Variants in ADAMTSL3 observed in about 807,000 individuals in gnomAD.
ADAMTSL3 encodes the protein ADAMTS like 3, also known as ADAMTS-like protein 3.
Under a neutral mutation model 201.7 loss-of-function variants are expected in ADAMTSL3, and 128 were observed. That is an observed-to-expected ratio of 0.63 (90% CI 0.55 to 0.73). The LOEUF (loss-of-function observed/expected upper bound fraction) is 0.73. Among genes scored for constraint, ADAMTSL3 ranks in the 30% least tolerant of loss-of-function variants. The pLI is 0.00. For missense variants in ADAMTSL3, 1,990 were observed against 2,119.6 expected, an observed-to-expected ratio of 0.94 and a Z score of 1.20; for synonymous variants, 738 against 748.4, an observed-to-expected ratio of 0.99 and a Z score of 0.23.
intron 23 of ADAMTSL3, among the ~76,000 whole-genome samples, chr15:83,997,504 G>A (rs940633920): frequency 3.9e-5 from 6 of 152,120 alleles, no homozygotes; most frequent in South Asian, 2.1e-4. Context: ...CAGGAGAATC[G>A]CTTGAACCTG....
intron 2 of ADAMTSL3, among the ~76,000 whole-genome samples, chr15:83,695,201 C>CTGT (rs2061666072): frequency 1.8e-3 from 1 of 558 alleles, no homozygotes; most frequent in African/African-American, 7.4e-3. Context: ...GTGCATGATA[C>CTGT]GTTTGTGGTG....
intron 3 of ADAMTSL3, among the ~76,000 whole-genome samples, chr15:83,725,713 A>G (rs907952425): frequency 5.9e-5 from 9 of 152,072 alleles, no homozygotes; most frequent in Admixed American, 5.9e-4. Context: ...CTGTAGAAGT[A>G]TGCATTTATA....
intron 2 of ADAMTSL3, among the ~76,000 whole-genome samples, chr15:83,693,925 C>T (rs928908985): frequency 1.3e-5 from 2 of 152,122 alleles, no homozygotes; most frequent in Non-Finnish European, 2.9e-5. Context: ...TGAGATTCTC[C>T]CCCCGCAACC....
intron 16 of ADAMTSL3, among the ~76,000 whole-genome samples, chr15:83,914,426 C>T (rs2065991696): frequency 6.6e-6 from 1 of 152,220 alleles, no homozygotes; most frequent in East Asian, 1.9e-4. Context: ...CTGTTTTTCT[C>T]TTTCCTGTCT....
intron 23 of ADAMTSL3, among the ~76,000 whole-genome samples, chr15:84,006,122 C>T (rs974047817): frequency 1.3e-5 from 2 of 152,348 alleles, no homozygotes; most frequent in East Asian, 1.9e-4. Context: ...ATTCATTATT[C>T]TAGTAGCTTT....
rs780180847 is a variant in ADAMTSL3 at position 83,913,127 on chromosome 15, C to T, written c.1736C>T (p.Thr579Met). 34 of 1,614,002 alleles carry T rather than the reference C, an allele frequency of 2.1e-5. No individual in the cohort carries two copies. In the Middle Eastern group the frequency reaches 4.9e-4, roughly 23 times the overall value. Reference sequence around the variant, plus strand: ...GAACCCTGGTCAGCCTGCAGTACCACGTGTGGGCCGGGTGTGCAGGTCCGT... The same window carrying T: ...GAACCCTGGTCAGCCTGCAGTACCATGTGTGGGCCGGGTGTGCAGGTCCGT... ...IPEPWSACST[T>M]CGPGVQVREV... Residue 579 changes from threonine to methionine, a missense_variant, in exon 16 of 30, where the codon ACG (threonine) becomes ATG (methionine). Coordinates refer to ENST00000286744, the MANE Select transcript of ADAMTSL3 (RefSeq NM_207517.3).
chr15:83,698,262 A>G (rs1181712191), intron 2 of ADAMTSL3, among the ~76,000 whole-genome samples: 7 of 152,066 alleles, frequency 4.6e-5, no homozygotes, highest in Non-Finnish European at 1.0e-4. Context: ...CAATGTGTAG[A>G]TCAAGGTCTA....
At chr15:83,887,121 A>G (rs2065409198) in intron 10 of ADAMTSL3, among the ~76,000 whole-genome samples, 1 of 152,104 alleles carries the variant, frequency 6.6e-6, no homozygotes. Context: ...CCACAGACCT[A>G]CTGAGTCAGA....
intron 2 of ADAMTSL3, among the ~76,000 whole-genome samples, chr15:83,696,283 C>T (rs2061687790): frequency 6.6e-6 from 1 of 152,224 alleles, no homozygotes; most frequent in Non-Finnish European, 1.5e-5. Flanking sequence ...GATCACCGCT[C>T]ACTGCAGTGC....
chr15:83,806,622 G>T (rs1438720799), intron 5 of ADAMTSL3, among the ~76,000 whole-genome samples: 2 of 152,182 alleles, frequency 1.3e-5, no homozygotes, highest in African/African-American at 4.8e-5. Flanking sequence ...GGGAGGCTGG[G>T]GTGGGCAGGT....
chr15:83,753,275 T>C (rs1177717888), intron 3 of ADAMTSL3, among the ~76,000 whole-genome samples: 2 of 152,176 alleles, frequency 1.3e-5, no homozygotes, highest in Non-Finnish European at 2.9e-5. Flanking sequence ...TGCTCTCAGC[T>C]TTTCAATTTT....
intron 3 of ADAMTSL3, among the ~76,000 whole-genome samples, chr15:83,768,166 A>G (rs900717543): frequency 6.6e-6 from 1 of 152,214 alleles, no homozygotes; most frequent in Non-Finnish European, 1.5e-5. Flanking sequence ...AGGAAAAACA[A>G]TTGCTTACCC....
intron 21 of ADAMTSL3, among the ~76,000 whole-genome samples, chr15:83,984,930 G>A (rs2067447576): frequency 6.6e-6 from 1 of 152,194 alleles, no homozygotes. Flanking sequence ...TATCTTTTCA[G>A]ATAATTGTGG....
chr15:83,696,374 C>T (rs748638419), intron 2 of ADAMTSL3, among the ~76,000 whole-genome samples: 15 of 152,276 alleles, frequency 9.9e-5, no homozygotes, highest in Non-Finnish European at 1.9e-4. Context: ...GTCACCACGC[C>T]CTGCTTTGGT....
chr15:83,772,658 C>T (rs1322640783), intron 3 of ADAMTSL3, among the ~76,000 whole-genome samples: 1 of 151,598 alleles, frequency 6.6e-6, no homozygotes, highest in Non-Finnish European at 1.5e-5. Context: ...GAGTTACCGC[C>T]AGTCTGCCTG....
chr15:83,688,021 A>G (rs1011776898), intron 2 of ADAMTSL3, among the ~76,000 whole-genome samples: 13 of 152,364 alleles, frequency 8.5e-5, no homozygotes, highest in African/African-American at 3.1e-4. Flanking sequence ...GGGAAAAGCT[A>G]AGAGACTTGG....
chr15:83,751,698 T>C (rs577849787), intron 3 of ADAMTSL3, among the ~76,000 whole-genome samples: 5 of 152,318 alleles, frequency 3.3e-5, no homozygotes, highest in African/African-American at 9.6e-5. Flanking sequence ...GCATCTTTAA[T>C]AAATGCAGAG....
Position 83,704,715 on chromosome 15 carries a change from A to G in ADAMTSL3, c.189+207A>G, listed in dbSNP as rs541187972. Among the ~76,000 whole-genome samples, 7 of 152,344 alleles carry G rather than the reference A, an allele frequency of 4.6e-5. No individual in the cohort carries two copies. In the South Asian group the frequency reaches 1.0e-3, roughly 23 times the overall value. ...ATATAATGTGCAGTTCTTTCTCTGC[A>G]TTTGCATAAAAGTCACTTTTTCTTA... On this transcript the variant is annotated intron_variant, in intron 3 of 29. Transcript: ENST00000286744.
At chr15:84,037,238 C>T (rs192066295) in intron 29 of ADAMTSL3, among the ~76,000 whole-genome samples, 21 of 152,262 alleles carry the variant, frequency 1.4e-4, no homozygotes, top group Middle Eastern at 3.4e-3. Context: ...ACTGCCTTTC[C>T]GACAAGCACT....
Sources: allele counts gnomAD v4.1 joint callset (sites outside exome capture counted in the v4.1 genomes callset), GRCh38; gene constraint gnomAD v4.1.1; transcripts MANE v1.5; gene names NCBI Gene and HGNC (gene_info 2026-07-23, HGNC 2026-07-21).